The following TMEM179 variants were observed in gnomAD, a reference collection of about 807,000 sequenced individuals.
TMEM179 encodes transmembrane protein 179A.
Under a neutral mutation model 22.2 loss-of-function variants are expected in TMEM179, and 17 were observed. The ratio of observed to expected loss-of-function variants is 0.77; its 90% confidence interval spans 0.52 to 1.15. TMEM179 has a LOEUF of 1.15. Among genes scored for constraint, TMEM179 ranks in the 50% most tolerant of loss-of-function variants. TMEM179 has a pLI of 0.00. For synonymous variants in TMEM179, 127 were observed against 140.5 expected (o/e 0.90, Z 0.68); for missense variants, 265 against 313.6 (o/e 0.84, Z 1.17).
At chr14:104,593,884 C>G (rs1043519523) in intron 3 of TMEM179, among the ~76,000 whole-genome samples, 2 of 152,254 alleles carry the variant, frequency 1.3e-5, no homozygotes, top group Non-Finnish European at 2.9e-5. Context: ...GTGGCCCTCC[C>G]GGAACCCACT....
In TMEM179 at chr14:104,594,486, C is replaced by T. The variant is rs150137546; in HGVS notation, c.522+679G>A. ...CGGCACCCCTCATCTGCCTCATCTC[C>T]GTCTGGGGCACATCTGCAGATTTCA... On this transcript the variant is annotated intron_variant, in intron 3 of 3. Transcript: ENST00000556573. 146 of 1,231,778 alleles carry T rather than the reference C, an allele frequency of 1.2e-4. 2 individuals are homozygous for T. In the African/African-American group the frequency reaches 1.8e-3, roughly 15 times the overall value. 76.3% of individuals were successfully genotyped at this position (1,231,778 alleles called of 1,614,324 possible).
chr14:104,594,817 C>A (rs1053654233), intron 3 of TMEM179: 38 of 1,261,626 alleles, frequency 3.0e-5, no homozygotes, highest in Non-Finnish European at 3.8e-5. Context: ...AGTCCAAAGC[C>A]CTTGTCCCTA....
At position 104,597,715 on chromosome 14, in the gene TMEM179, C is replaced by T. The variant is rs1362518506; in HGVS notation, c.306-588G>A. Among the ~76,000 whole-genome samples the T allele has an allele frequency of 2.6e-5, 4 of 152,148 alleles. No homozygotes were observed. Among genetic ancestry groups the T allele is most frequent in the Non-Finnish European group, 5.9e-5 (4 of 68,030 alleles). On this transcript the variant is annotated intron_variant, in intron 1 of 3. Coordinates refer to ENST00000556573, the MANE Select transcript of TMEM179 (RefSeq NM_001286389.2). The surrounding 1 kb of genome is among the most constrained non-coding windows in gnomAD (Gnocchi z 4.8). ...ATCGAACCTGGATCCCAGCCTGGAT[C>T]GCAGACCTCTAGCCTCCGGAAGTGT...
At chr14:104,601,572 A>G (rs1337956381) in intron 1 of TMEM179, among the ~76,000 whole-genome samples, 5 of 151,972 alleles carry the variant, frequency 3.3e-5, no homozygotes, top group African/African-American at 1.2e-4. Context: ...GTCACCCCAC[A>G]AGCCGTCTGC....
rs568661936 is a variant in TMEM179 at position 104,592,661 on chromosome 14, C to T, written c.*818G>A. 3.9e-5 allele frequency among the ~76,000 whole-genome samples: 6 copies of T among 152,270 alleles called. No homozygotes were observed. The highest frequency in any genetic ancestry group is 1.4e-4 in the African/African-American group (6 of 41,544). On this transcript the variant is annotated 3_prime_UTR_variant, in exon 4 of 4. Coordinates refer to ENST00000556573, the MANE Select transcript of TMEM179 (RefSeq NM_001286389.2). ...GCACACTCAGTCACATCCTCTCATG[C>T]ACTCATATACACAATCACACCCTCC...
Position 104,593,272 on chromosome 14 carries a change from C to A in TMEM179, c.*207G>T. The A allele has an allele frequency of 1.6e-6, 1 of 633,242 alleles. No homozygotes were observed. Among genetic ancestry groups the A allele is most frequent in the Non-Finnish European group, 2.7e-6 (1 of 365,124 alleles). The allele number at this position is 633,242 out of a possible 1,614,324, so 39.2% of individuals were successfully genotyped here. ...CATAGTCTCTCTGCACCATCCTCAT[C>A]AGGGAGCCGGCACCCACCCAGTCCA... On this transcript the variant is annotated 3_prime_UTR_variant, in exon 4 of 4. Transcript: ENST00000556573.
Position 104,604,425 on chromosome 14 carries a change from GC to G in TMEM179, c.305+11del. The G allele has an allele frequency of 6.5e-7, 1 of 1,530,126 alleles. No homozygotes were observed. Among genetic ancestry groups the G allele is most frequent in the Non-Finnish European group, 8.7e-7 (1 of 1,146,312 alleles). The allele number at this position is 1,530,126 out of a possible 1,614,324, so 94.8% of individuals were successfully genotyped here. A position where few individuals can be genotyped will look rare whatever the true frequency, so the allele number is the denominator to read the frequency against. On this transcript the variant is annotated intron_variant, in intron 1 of 3. Transcript: ENST00000556573. This position sits in a 1 kb window ranked among gnomAD's most constrained non-coding sequence, Gnocchi z 4.6. ...TGGAAGGGGCGCCGCGCCGGGAGCG[GC>G]CCCCACTTACCCCTCGTGTCCCTTG...
Position 104,604,761 on chromosome 14 carries a change from G to T in TMEM179, c.-20C>A, listed in dbSNP as rs1216495989. On this transcript the variant is annotated 5_prime_UTR_variant, in exon 1 of 4. Coordinates refer to ENST00000556573, the MANE Select transcript of TMEM179 (RefSeq NM_001286389.2). The surrounding 1 kb of genome is among the most constrained non-coding windows in gnomAD (Gnocchi z 4.6). ...CGCCATGGCCGGCCCGGGCGAGAGCGGCGGCGGGAAGGCCGCGGGAGGCTG... is the reference window on the plus strand; with the variant it reads ...CGCCATGGCCGGCCCGGGCGAGAGCTGCGGCGGGAAGGCCGCGGGAGGCTG... 4.0e-6 allele frequency: 6 copies of T among 1,500,432 alleles called. No individual in the cohort carries two copies. Among genetic ancestry groups the T allele is most frequent in the East Asian group, 5.6e-5 (2 of 35,500 alleles). 92.9% of individuals were successfully genotyped at this position (1,500,432 alleles called of 1,614,324 possible).
rs1456182601 is a variant in TMEM179, at chr14:104,594,881, C to A, written c.522+284G>T. On this transcript the variant is annotated intron_variant, in intron 3 of 3. Transcript: ENST00000556573. ...TTTCGTTTCTGGCACCACCTCCCCC[C>A]ACACCCCCACACTTCCCACCCCAGA... is the stretch of plus-strand genomic sequence containing the variant. 4.5e-6 allele frequency: 6 copies of A among 1,319,496 alleles called. No homozygotes were observed. In the South Asian group the frequency reaches 7.8e-5, roughly 17 times the overall value. 81.7% of individuals were successfully genotyped at this position (1,319,496 alleles called of 1,614,324 possible). A position where few individuals can be genotyped will look rare whatever the true frequency, so the allele number is the denominator to read the frequency against.
chr14:104,593,285 CCCACCCAGT>C lies in TMEM179; in HGVS notation c.*185_*193del. 1 of 667,122 alleles carries C rather than the reference CCCACCCAGT, an allele frequency of 1.5e-6. No individual in the cohort carries two copies. 41.3% of individuals were successfully genotyped at this position (667,122 alleles called of 1,614,324 possible). Reference sequence around the variant, plus strand: ...CACCATCCTCATCAGGGAGCCGGCACCCACCCAGTCCACTGCCAGGCTCACAGGTGGGCA... The same window carrying C: ...CACCATCCTCATCAGGGAGCCGGCACCCACTGCCAGGCTCACAGGTGGGCA... On this transcript the variant is annotated 3_prime_UTR_variant, in exon 4 of 4. Transcript: ENST00000556573.
Position 104,597,000 on chromosome 14 carries a change from C to A in TMEM179, c.433G>T (p.Val145Leu), listed in dbSNP as rs780912997. 6.2e-7 allele frequency: 1 copy of A among 1,604,642 alleles called. No individual in the cohort carries two copies. The highest frequency in any genetic ancestry group is 8.5e-7 in the Non-Finnish European group (1 of 1,178,262). ...GTGGGGCGGGCGCACCTGTGGGGTACGGTGCCCTTCTCGGTGATGGTGTCG... is the reference window on the plus strand; with the variant it reads ...GTGGGGCGGGCGCACCTGTGGGGTAAGGTGCCCTTCTCGGTGATGGTGTCG... ...WCDTITEKGT[V>L]PHSCEELQDI... The change falls in exon 2 of 4, where the codon GTA becomes TTA. Residue 145 changes from valine (V) to leucine (L), a missense_variant. Physicochemically the swap from Val to Leu is conservative, Grantham distance 32. Coordinates refer to ENST00000556573, the MANE Select transcript of TMEM179 (RefSeq NM_001286389.2).
In TMEM179 at chr14:104,591,589, A is replaced by G; in HGVS notation, c.*1890T>C. Reference sequence around the variant, plus strand: ...GCCCCCTTGAGCTTCCAGAGCCTCGATCCCCCTGGACTTGACACCCCCGAT... The same window carrying G: ...GCCCCCTTGAGCTTCCAGAGCCTCGGTCCCCCTGGACTTGACACCCCCGAT... On this transcript the variant is annotated 3_prime_UTR_variant, in exon 4 of 4. Coordinates refer to ENST00000556573, the MANE Select transcript of TMEM179 (RefSeq NM_001286389.2). 2.7e-6 allele frequency: 1 copy of G among 366,038 alleles called. No homozygotes were observed. Among genetic ancestry groups the G allele is most frequent in the Non-Finnish European group, 5.4e-6 (1 of 186,010 alleles). 22.7% of individuals were successfully genotyped at this position (366,038 alleles called of 1,614,324 possible). A position where few individuals can be genotyped will look rare whatever the true frequency, so the allele number is the denominator to read the frequency against.
At position 104,597,084 on chromosome 14, in the gene TMEM179, C is replaced by A. The variant is rs368802867; in HGVS notation, c.349G>T (p.Val117Leu). 1 of 1,607,176 alleles carries A rather than the reference C, an allele frequency of 6.2e-7. No individual in the cohort carries two copies. The highest frequency in any genetic ancestry group is 1.3e-5 in the African/African-American group (1 of 74,894). ...AFLNLLVSAF[V>L]VFLVFIASTI... is the part of the protein sequence containing the mutation. ...CTGGCAATGAAGACCAGGAAGACCA[C>A]GAAGGCGCTGACCAGGAGGTTCAGG... Residue 117 changes from valine to leucine, a missense_variant, in exon 2 of 4, where the codon GTG (valine) becomes TTG (leucine). By Grantham distance (32) the Val-to-Leu change is conservative. Coordinates refer to ENST00000556573, the MANE Select transcript of TMEM179 (RefSeq NM_001286389.2). This position sits in a 1 kb window ranked among gnomAD's most constrained non-coding sequence, Gnocchi z 4.8.
chr14:104,599,224 G>A (rs1238481890), intron 1 of TMEM179, among the ~76,000 whole-genome samples: 2 of 151,740 alleles, frequency 1.3e-5, no homozygotes, highest in Non-Finnish European at 2.9e-5. Flanking sequence ...TCTTCAGAGT[G>A]CGTCTCCTTC....
intron 1 of TMEM179, among the ~76,000 whole-genome samples, chr14:104,598,036 G>C (rs1456486327): frequency 5.3e-5 from 8 of 152,228 alleles, no homozygotes; most frequent in Non-Finnish European, 1.2e-4. Flanking sequence ...GGCTTTCAGA[G>C]GATGCTCGTG....
chr14:104,597,835 G>A lies in TMEM179; in HGVS notation c.306-708C>T, dbSNP rs948360471. Among the ~76,000 whole-genome samples the A allele has an allele frequency of 6.6e-6, 1 of 152,200 alleles. No homozygotes were observed. The highest frequency in any genetic ancestry group is 1.5e-5 in the Non-Finnish European group (1 of 68,028). On this transcript the variant is annotated intron_variant, in intron 1 of 3. Transcript: ENST00000556573. The surrounding 1 kb of genome is among the most constrained non-coding windows in gnomAD (Gnocchi z 4.8). ...CATCAGCGCGTGGCCTGGACCCCTGGTAGGACTTGCTTGATGGGCCAGCTC... is the reference window on the plus strand; with the variant it reads ...CATCAGCGCGTGGCCTGGACCCCTGATAGGACTTGCTTGATGGGCCAGCTC...
rs375270181 is a variant in TMEM179 at position 104,597,924 on chromosome 14, C to T, written c.306-797G>A. Among the ~76,000 whole-genome samples, 1 of 152,192 alleles carries T rather than the reference C, an allele frequency of 6.6e-6. No individual in the cohort carries two copies. The highest frequency in any genetic ancestry group is 1.9e-4 in the East Asian group (1 of 5,192). On this transcript the variant is annotated intron_variant, in intron 1 of 3. Coordinates refer to ENST00000556573, the MANE Select transcript of TMEM179 (RefSeq NM_001286389.2). This position sits in a 1 kb window ranked among gnomAD's most constrained non-coding sequence, Gnocchi z 4.8. Reference sequence around the variant, plus strand: ...TGGGCCCATCTGACCAGGGCCAGAGCATGGGGAGCGCAGGAGGCAGGGCCA... The same window carrying T: ...TGGGCCCATCTGACCAGGGCCAGAGTATGGGGAGCGCAGGAGGCAGGGCCA...
chr14:104,593,707 C>T (rs1230483550), intron 3 of TMEM179, 49 bp from the exon 4 acceptor site: 5 of 1,429,740 alleles, frequency 3.5e-6, no homozygotes, highest in Non-Finnish European at 4.6e-6. Flanking sequence ...GGTCCGCTGT[C>T]AGTGCAACCC....
In TMEM179 at chr14:104,595,468, G is replaced by T. The variant is rs999769809; in HGVS notation, c.444-225C>A. On this transcript the variant is annotated intron_variant, in intron 2 of 3. Transcript: ENST00000556573. The surrounding 1 kb of genome is among the most constrained non-coding windows in gnomAD (Gnocchi z 5.7). ...AACCTCCAGGCCCCTCCCTGTCCTG[G>T]CCCTGGACAGCCAGAAGACGCCAGC... Among the ~76,000 whole-genome samples, 2 of 151,718 alleles carry T rather than the reference G, an allele frequency of 1.3e-5. No homozygotes were observed. Among genetic ancestry groups the T allele is most frequent in the African/African-American group, 4.8e-5 (2 of 41,266 alleles).
Sources: gnomAD v4.1 joint callset for allele counts (sites outside exome capture counted in the v4.1 genomes callset) on GRCh38, gnomAD v4.1.1 for gene constraint, Gnocchi (gnomAD v3.1) non-coding constraint, MANE v1.5 for transcripts, NCBI Gene and HGNC (gene_info 2026-07-23, HGNC 2026-07-21) for gene names.